MBNL1: variants seen among roughly 807,000 people sequenced by gnomAD.
MBNL1 encodes muscleblind-like protein 1.
A neutral mutation model predicts 42.2 loss-of-function variants in MBNL1; 8 were observed. That is an observed-to-expected ratio of 0.19 (90% CI 0.11 to 0.34). MBNL1 has a LOEUF of 0.34. MBNL1 is among the 10% of genes least tolerant of loss of function. The probability of loss-of-function intolerance (pLI) is 1.00; values close to 1 mark genes in which losing one functional copy is unlikely to be tolerated. For synonymous variants in MBNL1, 169 were observed against 173.9 expected, an observed-to-expected ratio of 0.97 and a Z score of 0.22; for missense variants, 309 against 495.3, an observed-to-expected ratio of 0.62 and a Z score of 3.57.
intron 2 of MBNL1, among the ~76,000 whole-genome samples, chr3:152,304,363 C>T (rs1158231063): frequency 1.3e-5 from 2 of 152,154 alleles, no homozygotes; most frequent in African/African-American, 4.8e-5. Context: ...AAGCCCCAAG[C>T]ATAGACTTTT....
At chr3:152,446,494 A>G (rs1300948995) in intron 5 of MBNL1, among the ~76,000 whole-genome samples, 1 of 152,114 alleles carries the variant, frequency 6.6e-6, no homozygotes, top group Non-Finnish European at 1.5e-5. Context: ...TATCCTCCCA[A>G]TAACAACTCA....
rs1560047057 is a variant in MBNL1 at position 152,299,977 on chromosome 3, T to C, written c.-217T>C. 4.0e-6 allele frequency: 2 copies of C among 495,598 alleles called. No homozygotes were observed. Among genetic ancestry groups the C allele is most frequent in the Admixed American group, 3.9e-5 (1 of 25,714 alleles). The allele number at this position is 495,598 out of a possible 1,614,324, so 30.7% of individuals were successfully genotyped here. A position where few individuals can be genotyped will look rare whatever the true frequency, so the allele number is the denominator to read the frequency against. On this transcript the variant is annotated 5_prime_UTR_variant, in exon 2 of 10. Transcript: ENST00000324210. The stretch of plus-strand genomic sequence containing the variant: ...CTCTAAAAACCAAAACCTCTTTGAA[T>C]TAACAGTTTCATGCTGTGAATTTCT...
Position 152,459,236 on chromosome 3 carries a change from A to G in MBNL1, c.1093-35A>G, listed in dbSNP as rs16864294. On this transcript the variant is annotated intron_variant, in intron 8 of 9. Transcript: ENST00000324210. Reference sequence around the variant, plus strand: ...ATCTCTTAATTGTTGGCTTGCTTGCATGGATCATTCATTAAATAATTTTTT... The same window carrying G: ...ATCTCTTAATTGTTGGCTTGCTTGCGTGGATCATTCATTAAATAATTTTTT... The G allele has an allele frequency of 3.5e-3, 4,275 of 1,233,640 alleles. 96 individuals are homozygous for G. In the African/African-American group the frequency reaches 0.056, roughly 16 times the overall value. The allele number at this position is 1,233,640 out of a possible 1,614,324, so 76.4% of individuals were successfully genotyped here.
chr3:152,377,439 C>A (rs2096958698), intron 2 of MBNL1, among the ~76,000 whole-genome samples: 2 of 152,036 alleles, frequency 1.3e-5, no homozygotes, highest in Non-Finnish European at 2.9e-5. Context: ...AGCCATAGAC[C>A]GTTAGTAAAT....
chr3:152,367,716 C>A (rs889813072), intron 2 of MBNL1, among the ~76,000 whole-genome samples: 1 of 152,122 alleles, frequency 6.6e-6, no homozygotes, highest in Non-Finnish European at 1.5e-5. Context: ...TTAATGATTG[C>A]GATTCTAACT....
At chr3:152,302,699 C>T (rs6777493) in intron 2 of MBNL1, among the ~76,000 whole-genome samples, 5 of 152,114 alleles carry the variant, frequency 3.3e-5, no homozygotes, top group Non-Finnish European at 4.4e-5. Flanking sequence ...TGCCATTAAC[C>T]GCTAGATCAT....
chr3:152,282,344 A>ATG lies in MBNL1; in HGVS notation c.-790+13266_-790+13267dup, dbSNP rs143455864. Among the ~76,000 whole-genome samples the ATG allele has an allele frequency of 5.8e-3, 881 of 151,786 alleles. 9 individuals carry two copies. Among genetic ancestry groups the ATG allele is most frequent in the African/African-American group, 0.02 (829 of 41,414 alleles). On this transcript the variant is annotated intron_variant, in intron 1 of 9. Transcript: ENST00000324210. ...TTAAGTACCAAGAATTCTTAGGGAC[A>ATG]TGTGTGTGTGTGTGTATTCAGATTA... is the stretch of plus-strand genomic sequence containing the variant.
intron 2 of MBNL1, among the ~76,000 whole-genome samples, chr3:152,258,086 C>G (rs936192270): frequency 1.3e-5 from 2 of 152,014 alleles, no homozygotes; most frequent in African/African-American, 4.8e-5. Context: ...CTCTGTATAC[C>G]TATACCATCT....
chr3:152,349,963 G>A (rs1378716041), intron 2 of MBNL1, among the ~76,000 whole-genome samples: 1 of 152,104 alleles, frequency 6.6e-6, no homozygotes, highest in Non-Finnish European at 1.5e-5. Context: ...CATGTAATTG[G>A]TTTGGGAGGG....
chr3:152,278,592 AG>A (rs2046620150), intron 1 of MBNL1, among the ~76,000 whole-genome samples: 1 of 152,156 alleles, frequency 6.6e-6, no homozygotes, highest in Admixed American at 6.6e-5. Flanking sequence ...TATAGTTTTG[AG>A]GACTGAGATT....
intron 1 of MBNL1, among the ~76,000 whole-genome samples, chr3:152,278,940 G>A (rs2046861215): frequency 6.6e-6 from 1 of 152,064 alleles, no homozygotes; most frequent in Non-Finnish European, 1.5e-5. Context: ...CACTATACAA[G>A]TTAGTACCAA....
chr3:152,415,851 TTAA>T (rs1035032451), intron 3 of MBNL1, among the ~76,000 whole-genome samples: 13 of 152,336 alleles, frequency 8.5e-5, no homozygotes, highest in Middle Eastern at 3.4e-3. Context: ...ATAAATGACT[TTAA>T]TAATCTCTAT....
intron 8 of MBNL1, chr3:152,458,195 T>TA (rs1560686698): frequency 1.2e-6 from 2 of 1,613,610 alleles, no homozygotes; most frequent in Non-Finnish European, 1.7e-6. Flanking sequence ...GGAAAAATGG[T>TA]ATGAGAAGCT....
intron 2 of MBNL1, among the ~76,000 whole-genome samples, chr3:152,364,470 A>G (rs111933735): frequency 1.0e-3 from 154 of 152,152 alleles, no homozygotes; most frequent in African/African-American, 3.6e-3. Context: ...TCACATCAGA[A>G]ATCCACCTCA....
chr3:152,388,116 A>G (rs1269499061), intron 2 of MBNL1, among the ~76,000 whole-genome samples: 3 of 152,210 alleles, frequency 2.0e-5, no homozygotes, highest in Admixed American at 1.3e-4. Context: ...GGTTTTTAAC[A>G]TTCAGGAACT....
chr3:152,387,092 A>G (rs2097467784), intron 2 of MBNL1, among the ~76,000 whole-genome samples: 1 of 152,156 alleles, frequency 6.6e-6, no homozygotes, highest in South Asian at 2.1e-4. Context: ...AGTTCTAAGA[A>G]GGAAAACTAT....
intron 2 of MBNL1, among the ~76,000 whole-genome samples, chr3:152,361,169 G>A (rs1284047585): frequency 1.3e-5 from 2 of 152,044 alleles, no homozygotes; most frequent in Non-Finnish European, 2.9e-5. Context: ...GTCACCAGTT[G>A]TCTACTCTGT....
intron 2 of MBNL1, among the ~76,000 whole-genome samples, chr3:152,388,432 T>C (rs1413385081): frequency 1.3e-5 from 2 of 152,242 alleles, no homozygotes; most frequent in Non-Finnish European, 2.9e-5. Flanking sequence ...TCAGTAGTTA[T>C]GGATTTTAGC....
At chr3:152,319,349 C>T (rs1199418375) in intron 2 of MBNL1, among the ~76,000 whole-genome samples, 1 of 152,014 alleles carries the variant, frequency 6.6e-6, no homozygotes, top group African/African-American at 2.4e-5. Flanking sequence ...TGATGTCATG[C>T]AGTTCATTAG....
Sources: allele counts gnomAD v4.1 joint callset (sites outside exome capture counted in the v4.1 genomes callset), GRCh38; gene constraint gnomAD v4.1.1; transcripts MANE v1.5; gene names NCBI Gene and HGNC (gene_info 2026-07-23, HGNC 2026-07-21).